SLC23A3: variants seen among roughly 807,000 people sequenced by gnomAD.
The protein encoded by SLC23A3 is E2-binding protein 3.
SLC23A3 carries 41 observed loss-of-function variants against 64.7 expected under a neutral mutation model. The ratio of observed to expected loss-of-function variants is 0.63; its 90% CI spans 0.49 to 0.82. SLC23A3 has a LOEUF of 0.82. SLC23A3 is among the 40% of genes least tolerant of loss of function. The pLI is 0.00. For missense variants in SLC23A3, 647 were observed against 733.4 expected (o/e 0.88, Z 1.36); for synonymous variants, 281 against 306.8 (o/e 0.92, Z 0.88).
At chr2:219,164,372 A>G (rs1326486320) in intron 8 of SLC23A3, 34 bp from the exon 9 acceptor site, 4 of 1,353,000 alleles carry the variant, frequency 3.0e-6, no homozygotes, top group Non-Finnish European at 3.1e-6. Flanking sequence ...AAACACAGCC[A>G]CTTCCTCAGA....
At chr2:219,167,867 T>C in intron 7 of SLC23A3, 63 bp downstream of exon 7, 1 of 1,239,882 alleles carries the variant, frequency 8.1e-7, no homozygotes, top group South Asian at 1.4e-5. Flanking sequence ...TCCATTAAGT[T>C]CTTTGAGTTC....
intron 6 of SLC23A3, 74 bp downstream of exon 6, chr2:219,168,121 A>G (rs1181393024): frequency 1.3e-6 from 2 of 1,580,086 alleles, no homozygotes. Context: ...ACAGAAGCCA[A>G]AAGGTAGGGG....
rs192655015 is a variant in SLC23A3 at position 219,169,333 on chromosome 2, G to C, written c.394C>G (p.Arg132Gly). The C allele has an allele frequency of 1.6e-4, 253 of 1,614,190 alleles. 5 individuals carry two copies. The East Asian group carries it at 5.6e-3, about 36-fold the overall frequency. Residue 132 changes from arginine (R) to glycine (G), a missense_variant, in exon 3 of 12, where the codon CGG (arginine) becomes GGG (glycine). Coordinates refer to ENST00000409878, the MANE Select transcript of SLC23A3 (RefSeq NM_001144889.2). This position sits in a 1 kb window ranked among gnomAD's most constrained non-coding sequence, Gnocchi z 4.5. ...ALVLTSQKLP[R>G]AIQTPGNSSL... Reference sequence around the variant, plus strand: ...CAGTTTCCAGGTGTCTGGATGGCCCGGGGTAGCTTCTGGCTGGTCAGCACC... The same window carrying C: ...CAGTTTCCAGGTGTCTGGATGGCCCCGGGTAGCTTCTGGCTGGTCAGCACC...
rs533819723 is a variant in SLC23A3 at position 219,162,022 on chromosome 2, G to A, written c.1720C>T (p.Pro574Ser). Residue 574 changes from proline to serine, a missense_variant, in exon 12 of 12, where the codon CCT (proline) becomes TCT (serine). Physicochemically the swap from Pro to Ser is moderately conservative, Grantham distance 74 (BLOSUM62 -1). Coordinates refer to ENST00000409878, the MANE Select transcript of SLC23A3 (RefSeq NM_001144889.2). ...GAGGAGCCTCCTTCCTCATCCCCAG[G>A]GTCTTCAGGCAGTGGGCAGAGGCAG... is the stretch of plus-strand genomic sequence containing the variant. ...LHCLCPLPED[P>S]GDEEGGSSEP... 7 of 1,614,172 alleles carry A rather than the reference G, an allele frequency of 4.3e-6. No homozygotes were observed. Among genetic ancestry groups the A allele is most frequent in the African/African-American group, 4.0e-5 (3 of 75,056 alleles).
intron 7 of SLC23A3, 24 bp downstream of exon 7, chr2:219,167,906 A>C (rs376787536): frequency 9.2e-5 from 138 of 1,506,242 alleles, no homozygotes; most frequent in Non-Finnish European, 1.2e-4. Flanking sequence ...GAACAAGAGA[A>C]TGGAGGACTA....
chr2:219,162,413 A>G lies in SLC23A3; in HGVS notation c.1442-19T>C, dbSNP rs148424856. On this transcript the variant is annotated intron_variant, in intron 10 of 11. Coordinates refer to ENST00000409878, the MANE Select transcript of SLC23A3 (RefSeq NM_001144889.2). ...CTCCAGCCTATGAAGAGTTGGGGCC[A>G]GGCAGGAAGGGAACTCTGATCCTAT... The G allele has an allele frequency of 6.3e-7, 1 of 1,587,332 alleles. No homozygotes were observed. The highest frequency in any genetic ancestry group is 1.3e-5 in the African/African-American group (1 of 74,426).
chr2:219,168,531 T>G, intron 5 of SLC23A3, 121 bp downstream of exon 5: 5 of 1,166,470 alleles, frequency 4.3e-6, no homozygotes, highest in Non-Finnish European at 4.8e-6. Context: ...GGATTCCAAA[T>G]ATAAAATATG....
chr2:219,167,546 G>A (rs940622092), intron 7 of SLC23A3, among the ~76,000 whole-genome samples: 4 of 128,544 alleles, frequency 3.1e-5, no homozygotes, highest in Non-Finnish European at 4.7e-5. Context: ...GAGCCCAGGA[G>A]TTTGAGACCA....
At position 219,167,971 on chromosome 2, in the gene SLC23A3, G is replaced by T; in HGVS notation, c.872C>A (p.Ser291Tyr). The change falls in exon 7 of 12, where the codon TCT becomes TAT. Residue 291 changes from serine to tyrosine, a missense_variant. Physicochemically the swap from Ser to Tyr is moderately radical, Grantham distance 144. Transcript: ENST00000409878. Reference protein sequence around the residue: ...VGFSVIPQELSAPTKAPWIWL... With the variant: ...VGFSVIPQELYAPTKAPWIWL... ...AATCCATGGTGCCTTGGTGGGGGCA[G>T]ACAGTTCCTGGGGGATAACACTGAA... 6.3e-7 allele frequency: 1 copy of T among 1,586,602 alleles called. No homozygotes were observed. The highest frequency in any genetic ancestry group is 8.5e-7 in the Non-Finnish European group (1 of 1,172,688).
At chr2:219,166,964 G>A (rs1329023293) in intron 7 of SLC23A3, among the ~76,000 whole-genome samples, 1 of 152,184 alleles carries the variant, frequency 6.6e-6, no homozygotes, top group East Asian at 1.9e-4. Context: ...CTCCCTGAAG[G>A]CAAGTACTGT....
intron 10 of SLC23A3, 86 bp downstream of exon 10, chr2:219,163,302 G>A (rs1949968046): frequency 1.5e-6 from 2 of 1,314,762 alleles, no homozygotes; most frequent in African/African-American, 1.5e-5. Context: ...AAAGCCCAGA[G>A]AAGGCTGTGG....
At chr2:219,165,488 G>A in intron 7 of SLC23A3, 66 bp from the exon 8 acceptor site, 2 of 1,497,378 alleles carry the variant, frequency 1.3e-6, no homozygotes, top group Non-Finnish European at 1.8e-6. Flanking sequence ...GCCTCCAACA[G>A]CCTGTGCCAC....
chr2:219,169,594 G>T lies in SLC23A3; in HGVS notation c.247C>A (p.Pro83Thr). 1.2e-6 allele frequency: 2 copies of T among 1,614,226 alleles called. No individual in the cohort carries two copies. The highest frequency in any genetic ancestry group is 1.7e-6 in the Non-Finnish European group (2 of 1,180,044). ...AAGCTGGAGGCCAGGAGCTGAGAAG[G>T]GGAGTAAGAGAGTCCTCCTGGGGAG... is the stretch of plus-strand genomic sequence containing the variant. ...SLSPGGLSYS[P>T]SQLLASSFFS... Residue 83 changes from proline to threonine, a missense_variant, in exon 2 of 12, where the codon CCT becomes ACT. Coordinates refer to ENST00000409878, the MANE Select transcript of SLC23A3 (RefSeq NM_001144889.2). This position sits in a 1 kb window ranked among gnomAD's most constrained non-coding sequence, Gnocchi z 4.5.
chr2:219,164,236 C>G lies in SLC23A3; in HGVS notation c.1270G>C (p.Val424Leu), dbSNP rs369924092. 2 of 1,605,138 alleles carry G rather than the reference C, an allele frequency of 1.2e-6. No individual in the cohort carries two copies. The highest frequency in any genetic ancestry group is 1.7e-6 in the Non-Finnish European group (2 of 1,175,384). ...QLLTTIPLPVVGGVLGVTQAV... is the reference protein window; with the variant it reads ...QLLTTIPLPVLGGVLGVTQAV... ...CCCTGTTGATACATCCACTCACCAA[C>G]AACAGGCAGTGGGATGGTGGTGAGG... Residue 424 changes from valine (V) to leucine (L), a missense_variant, in exon 9 of 12, where the codon GTT becomes CTT. By Grantham distance (32) the Val-to-Leu change is conservative. Coordinates refer to ENST00000409878, the MANE Select transcript of SLC23A3 (RefSeq NM_001144889.2).
At chr2:219,163,339 CT>C (rs776024158) in intron 10 of SLC23A3, 48 bp downstream of exon 10, 19 of 1,592,280 alleles carry the variant, frequency 1.2e-5, no homozygotes, top group Non-Finnish European at 1.5e-5. Context: ...AGCCTGAAGC[CT>C]CAACTTGCTT....
Position 219,169,016 on chromosome 2 carries a change from T to A in SLC23A3, c.492+13A>T. The A allele has an allele frequency of 6.2e-7, 1 of 1,612,128 alleles. No individual in the cohort carries two copies. The highest frequency in any genetic ancestry group is 8.5e-7 in the Non-Finnish European group (1 of 1,178,352). ...GGCACCACCCTTATCCCTTCTCACC[T>A]CCAGATACCCACCTCCTGGAGAGAA... On this transcript the variant is annotated intron_variant, in intron 4 of 11. Coordinates refer to ENST00000409878, the MANE Select transcript of SLC23A3 (RefSeq NM_001144889.2). The surrounding 1 kb of genome is among the most constrained non-coding windows in gnomAD (Gnocchi z 4.5).
Position 219,169,283 on chromosome 2 carries a change from A to T in SLC23A3, c.418+26T>A, listed in dbSNP as rs1236076268. On this transcript the variant is annotated intron_variant, in intron 3 of 11. Transcript: ENST00000409878. This position sits in a 1 kb window ranked among gnomAD's most constrained non-coding sequence, Gnocchi z 4.5. ...CAGATGAGAACCCAGCCCCACCCTT[A>T]CCCCTTGCCCTTGCTCTGTGCTCAC... The T allele has an allele frequency of 5.0e-6, 8 of 1,613,872 alleles. No individual in the cohort carries two copies. The South Asian group carries it at 6.6e-5, about 13-fold the overall frequency.
In SLC23A3 at chr2:219,165,223, G is replaced by T; in HGVS notation, c.1113C>A (p.Ser371Arg). ...LGSVLAGLLGSPMGTASSFPN... is the reference protein window; with the variant it reads ...LGSVLAGLLGRPMGTASSFPN... Reference sequence around the variant, plus strand: ...GGAAGCTGGATGCAGTGCCCATGGGGCTTCCCAGCAGCCCGGCCAGCACAC... The same window carrying T: ...GGAAGCTGGATGCAGTGCCCATGGGTCTTCCCAGCAGCCCGGCCAGCACAC... Residue 371 changes from serine to arginine, a missense_variant, in exon 8 of 12, where the codon AGC becomes AGA. Transcript: ENST00000409878. The T allele has an allele frequency of 6.4e-7, 1 of 1,551,748 alleles. No homozygotes were observed. Among genetic ancestry groups the T allele is most frequent in the Non-Finnish European group, 8.7e-7 (1 of 1,147,018 alleles).
At chr2:219,167,376 A>G (rs977390135) in intron 7 of SLC23A3, among the ~76,000 whole-genome samples, 5 of 152,344 alleles carry the variant, frequency 3.3e-5, no homozygotes, top group African/African-American at 1.2e-4. Context: ...CTGGTAACAT[A>G]AATGTGTTCA....
Sources: allele counts gnomAD v4.1 joint callset (sites outside exome capture counted in the v4.1 genomes callset), GRCh38; gene constraint gnomAD v4.1.1; non-coding constraint Gnocchi (gnomAD v3.1); transcripts MANE v1.5; gene names NCBI Gene and HGNC (gene_info 2026-07-23, HGNC 2026-07-21).